The following CCSER1 variants were observed in gnomAD, a reference collection of about 807,000 sequenced individuals.
CCSER1 encodes coiled-coil serine rich protein 1, also known as serine-rich coiled-coil domain-containing protein 1.
A neutral mutation model predicts 82.0 loss-of-function variants in CCSER1; 41 were observed. The observed-to-expected ratio is 0.50, with a 90% CI of 0.39 to 0.65. The LOEUF is 0.65. CCSER1 is among the 30% of genes least tolerant of loss of function. The pLI, the probability that CCSER1 is intolerant of heterozygous loss-of-function variation, is 0.00. For missense variants in CCSER1, 1,119 were observed against 1,064.2 expected (o/e 1.05, Z -0.72); for synonymous variants, 414 against 383.9 (o/e 1.08, Z -0.92).
chr4:90,542,343 G>A (rs1006185824), intron 5 of CCSER1, among the ~76,000 whole-genome samples: 2 of 152,076 alleles, frequency 1.3e-5, no homozygotes, highest in Non-Finnish European at 2.9e-5. Context: ...CTGCAGATGA[G>A]ATGAAAATGG....
intron 10 of CCSER1, among the ~76,000 whole-genome samples, chr4:91,162,852 T>C (rs911383267): frequency 7.2e-5 from 11 of 152,296 alleles, no homozygotes; most frequent in African/African-American, 2.6e-4. Flanking sequence ...TAGTGGACTA[T>C]CAATTTTGTT....
intron 9 of CCSER1, among the ~76,000 whole-genome samples, chr4:91,069,825 G>A (rs949156589): frequency 6.6e-6 from 1 of 152,056 alleles, no homozygotes; most frequent in Non-Finnish European, 1.5e-5. Context: ...ATTAAAAGAA[G>A]GGAACAGCTG....
chr4:90,763,846 C>T (rs189218119), intron 7 of CCSER1, among the ~76,000 whole-genome samples: 169 of 152,260 alleles, frequency 1.1e-3, no homozygotes, highest in African/African-American at 4.0e-3. Flanking sequence ...CACTTCTTCT[C>T]CTATCTACTT....
chr4:90,184,353 A>G (rs1056790408), intron 1 of CCSER1, among the ~76,000 whole-genome samples: 4 of 152,082 alleles, frequency 2.6e-5, no homozygotes, highest in African/African-American at 9.7e-5. Flanking sequence ...CCAAAGAGTA[A>G]GTTTCTAAGT....
intron 10 of CCSER1, among the ~76,000 whole-genome samples, chr4:91,115,488 G>A (rs528590155): frequency 2.0e-4 from 31 of 151,892 alleles, no homozygotes; most frequent in African/African-American, 6.0e-4. Context: ...CACCATGCCC[G>A]GCTAATTTTT....
intron 10 of CCSER1, among the ~76,000 whole-genome samples, chr4:91,541,862 T>C (rs562818852): frequency 2.6e-5 from 4 of 152,188 alleles, no homozygotes; most frequent in Non-Finnish European, 5.9e-5. Context: ...AAAGCATTCC[T>C]ATTGCTCCAC....
At chr4:91,595,720 C>G (rs111487457) in intron 10 of CCSER1, among the ~76,000 whole-genome samples, 164 of 152,066 alleles carry the variant, frequency 1.1e-3, no homozygotes, top group African/African-American at 3.9e-3. Context: ...TAGAAAGTGT[C>G]TGACTTGAAG....
intron 5 of CCSER1, among the ~76,000 whole-genome samples, chr4:90,542,183 A>T (rs189356882): frequency 1.4e-3 from 216 of 152,200 alleles, no homozygotes; most frequent in African/African-American, 5.0e-3. Context: ...AAGCCTTTTG[A>T]TGGGGAGTAC....
intron 10 of CCSER1, among the ~76,000 whole-genome samples, chr4:91,288,367 A>C (rs1199671358): frequency 6.6e-6 from 1 of 151,960 alleles, no homozygotes; most frequent in Non-Finnish European, 1.5e-5. Flanking sequence ...TACATAAGTA[A>C]AGATAGATAC....
At chr4:90,183,075 T>A (rs1021993378) in intron 1 of CCSER1, among the ~76,000 whole-genome samples, 5 of 152,128 alleles carry the variant, frequency 3.3e-5, no homozygotes, top group African/African-American at 1.2e-4. Flanking sequence ...TTATGATTTT[T>A]CTGTAATTAT....
chr4:91,306,746 T>C (rs1484864885), intron 10 of CCSER1, among the ~76,000 whole-genome samples: 1 of 152,046 alleles, frequency 6.6e-6, no homozygotes, highest in Non-Finnish European at 1.5e-5. Flanking sequence ...GTTCTCACAA[T>C]GAAGTGTAAG....
At chr4:91,148,755 A>G (rs986897513) in intron 10 of CCSER1, among the ~76,000 whole-genome samples, 20 of 152,024 alleles carry the variant, frequency 1.3e-4, no homozygotes, top group African/African-American at 4.6e-4. Flanking sequence ...TATTCTTACG[A>G]TAGTTTGCTG....
rs1008279712 is a variant in CCSER1, at chr4:90,620,590, C to T, written c.1725-7435C>T. ...AGTTACACAGTTAATTATGATATTT[C>T]ACCCTTACTTCTAGATTTAATGTCT... On this transcript the variant is annotated intron_variant, in intron 5 of 10. Transcript: ENST00000509176. Among the ~76,000 whole-genome samples the T allele has an allele frequency of 3.3e-5, 5 of 152,136 alleles. No homozygotes were observed. In the East Asian group the frequency reaches 7.7e-4, roughly 23 times the overall value.
At chr4:91,453,947 T>C (rs1460020611) in intron 10 of CCSER1, among the ~76,000 whole-genome samples, 1 of 152,034 alleles carries the variant, frequency 6.6e-6, no homozygotes, top group Non-Finnish European at 1.5e-5. Flanking sequence ...AGTATTGTAA[T>C]GAGGTATGTT....
chr4:91,381,465 T>TA (rs1213311431), intron 10 of CCSER1, among the ~76,000 whole-genome samples: 2 of 152,002 alleles, frequency 1.3e-5, no homozygotes, highest in Non-Finnish European at 2.9e-5. Context: ...CTTTTTTCTG[T>TA]AAACTTTTCT....
At chr4:90,510,835 T>C (rs1266887911) in intron 5 of CCSER1, among the ~76,000 whole-genome samples, 3 of 151,982 alleles carry the variant, frequency 2.0e-5, no homozygotes, top group Non-Finnish European at 4.4e-5. Context: ...TTCGTGGTGC[T>C]CAGTAAGAGT....
chr4:91,042,782 G>A (rs868085816), intron 9 of CCSER1, among the ~76,000 whole-genome samples: 6 of 151,960 alleles, frequency 3.9e-5, no homozygotes, highest in Middle Eastern at 3.2e-3. Flanking sequence ...ACATTACAGG[G>A]GGGAAAAAGT....
intron 9 of CCSER1, among the ~76,000 whole-genome samples, chr4:90,958,704 C>T (rs1320222441): frequency 6.6e-6 from 1 of 151,996 alleles, no homozygotes; most frequent in Non-Finnish European, 1.5e-5. Flanking sequence ...TTATAAGGGT[C>T]CAGAGTGACT....
At chr4:91,419,120 C>T (rs1293572042) in intron 10 of CCSER1, among the ~76,000 whole-genome samples, 1 of 151,912 alleles carries the variant, frequency 6.6e-6, no homozygotes, top group Non-Finnish European at 1.5e-5. Context: ...AAGCCCACAG[C>T]TAACATACTC....
Sources: gnomAD v4.1 joint callset for allele counts (sites outside exome capture counted in the v4.1 genomes callset) on GRCh38, gnomAD v4.1.1 for gene constraint, MANE v1.5 for transcripts, NCBI Gene and HGNC (gene_info 2026-07-23, HGNC 2026-07-21) for gene names.